The following RLN3 variants were observed in gnomAD, a reference collection of about 807,000 sequenced individuals.
RLN3 encodes the protein relaxin-3.
Under a neutral mutation model 10.2 loss-of-function variants are expected in RLN3, and 13 were observed. The observed-to-expected ratio is 1.28, with a 90% CI of 0.83 to 2.03. The LOEUF is 2.03. Ranked by LOEUF, RLN3 falls within the 30% of genes most tolerant of loss-of-function variation. RLN3 has a pLI of 0.00. For missense variants in RLN3, 191 were observed against 187.2 expected, an observed-to-expected ratio of 1.02 and a Z score of -0.12; for synonymous variants, 56 against 79.2, an observed-to-expected ratio of 0.71 and a Z score of 1.56.
At chr19:14,029,836 TA>T (rs1419307512) in intron 1 of RLN3, among the ~76,000 whole-genome samples, 1 of 149,974 alleles carries the variant, frequency 6.7e-6, no homozygotes, top group Non-Finnish European at 1.5e-5. Flanking sequence ...TTATTATTAT[TA>T]TTATTTTTGA....
chr19:14,031,083 TG>T lies in RLN3; in HGVS notation c.*138del. 1.4e-6 allele frequency: 1 copy of T among 693,556 alleles called. No individual in the cohort carries two copies. The highest frequency in any genetic ancestry group is 2.5e-6 in the Non-Finnish European group (1 of 403,052). 43.0% of individuals were successfully genotyped at this position (693,556 alleles called of 1,614,324 possible). On this transcript the variant is annotated 3_prime_UTR_variant, in exon 2 of 2. Coordinates refer to ENST00000431365, the MANE Select transcript of RLN3 (RefSeq NM_080864.4). Reference sequence around the variant, plus strand: ...TCATCTACAAGTCACAGAGGCACTGTGGGCTCAGGCACAGTCTCCCGACACC... The same window carrying T: ...TCATCTACAAGTCACAGAGGCACTGTGGCTCAGGCACAGTCTCCCGACACC...
At position 14,028,335 on chromosome 19, in the gene RLN3, T is replaced by G. The variant is rs1975747295; in HGVS notation, c.131T>G (p.Ile44Ser). The change falls in exon 1 of 2, where the codon ATC (isoleucine) becomes AGC (serine). Residue 44 changes from isoleucine to serine, a missense_variant. By Grantham distance (142) the Ile-to-Ser change is moderately radical. Coordinates refer to ENST00000431365, the MANE Select transcript of RLN3 (RefSeq NM_080864.4). ...GGCCGAGAATTCATCCGAGCAGTCA[T>G]CTTCACCTGCGGGGGCTCCCGGTGG... Reference protein sequence around the residue: ...LCGREFIRAVIFTCGGSRWRR... With the variant: ...LCGREFIRAVSFTCGGSRWRR... 6.2e-7 allele frequency: 1 copy of G among 1,613,758 alleles called. No homozygotes were observed. Among genetic ancestry groups the G allele is most frequent in the Non-Finnish European group, 8.5e-7 (1 of 1,179,936 alleles).
chr19:14,030,651 A>G (rs199890886), intron 1 of RLN3, 59 bp from the exon 2 acceptor site: 306 of 1,415,602 alleles, frequency 2.2e-4, no homozygotes, highest in African/African-American at 7.0e-4. Context: ...GCCAGGAGCC[A>G]TGACTGTGGG....
intron 1 of RLN3, 42 bp from the exon 2 acceptor site, chr19:14,030,668 A>G (rs4263049): frequency 0.28 from 418,583 of 1,520,800 alleles, 68,940 homozygotes; most frequent in African/African-American, 0.74. Flanking sequence ...TGGGTGCAGC[A>G]GCAGCTGAGC....
Position 14,028,167 on chromosome 19 carries a change from A to C in RLN3, c.-38A>C, listed in dbSNP as rs960965997. The stretch of plus-strand genomic sequence containing the variant: ...TGGGGGGCCAAGAGGCAGCAGAGAC[A>C]CTGGCCCACTCTCACGTTCAAAGCA... On this transcript the variant is annotated 5_prime_UTR_variant, in exon 1 of 2. Coordinates refer to ENST00000431365, the MANE Select transcript of RLN3 (RefSeq NM_080864.4). 16 of 1,481,586 alleles carry C rather than the reference A, an allele frequency of 1.1e-5. No homozygotes were observed. The Middle Eastern group carries it at 6.3e-4, about 58-fold the overall frequency. The allele number at this position is 1,481,586 out of a possible 1,614,324, so 91.8% of individuals were successfully genotyped here.
At chr19:14,028,966 CAG>C (rs1256252347) in intron 1 of RLN3, among the ~76,000 whole-genome samples, 4 of 151,938 alleles carry the variant, frequency 2.6e-5, no homozygotes, top group South Asian at 4.2e-4. Flanking sequence ...TTTGTAGAAA[CAG>C]GGGTCTCACT....
rs764459926 is a variant in RLN3 at position 14,030,706 on chromosome 19, G to T, written c.191-4G>T. ...TGATCACTAACTCTGTTCATCTTTT[G>T]CAGGAGATACCTTCCCGGATGCAGA... On this transcript the variant is annotated splice_polypyrimidine_tract_variant and splice_region_variant and intron_variant, in intron 1 of 1. Coordinates refer to ENST00000431365, the MANE Select transcript of RLN3 (RefSeq NM_080864.4). 2.5e-6 allele frequency: 4 copies of T among 1,613,322 alleles called. No homozygotes were observed. The South Asian group carries it at 4.4e-5, about 18-fold the overall frequency.
In RLN3 at chr19:14,030,862, C is replaced by CGG; in HGVS notation, c.346_347dup (p.Ser117AlafsTer49). 1.2e-6 allele frequency: 2 copies of CGG among 1,611,690 alleles called. No homozygotes were observed. Among genetic ancestry groups the CGG allele is most frequent in the Non-Finnish European group, 1.7e-6 (2 of 1,178,232 alleles). ...CTGGCAAGGAACCCCTGGGGTTCTT[C>CGG]GGGGCAGCCGAGATGTCCTGGCTGG... is the stretch of plus-strand genomic sequence containing the variant. On this transcript the variant is annotated frameshift_variant, in exon 2 of 2. Coordinates refer to ENST00000431365, the MANE Select transcript of RLN3 (RefSeq NM_080864.4). LOFTEE classifies it high-confidence loss of function.
intron 1 of RLN3, chr19:14,030,493 T>C (rs1192196289): frequency 2.9e-5 from 19 of 649,320 alleles, no homozygotes; most frequent in Non-Finnish European, 2.8e-6. Context: ...ACCCCATCTC[T>C]ATAACAATAC....
At position 14,028,170 on chromosome 19, in the gene RLN3, G is replaced by A. The variant is rs1568495594; in HGVS notation, c.-35G>A. ...GGGGCCAAGAGGCAGCAGAGACACT[G>A]GCCCACTCTCACGTTCAAAGCATCT... On this transcript the variant is annotated 5_prime_UTR_variant, in exon 1 of 2. Coordinates refer to ENST00000431365, the MANE Select transcript of RLN3 (RefSeq NM_080864.4). 2.0e-6 allele frequency: 3 copies of A among 1,501,412 alleles called. No homozygotes were observed. In the African/African-American group the frequency reaches 4.2e-5, roughly 21 times the overall value. The allele number at this position is 1,501,412 out of a possible 1,614,324, so 93.0% of individuals were successfully genotyped here.
chr19:14,030,601 C>A, intron 1 of RLN3, 109 bp from the exon 2 acceptor site: 1 of 994,686 alleles, frequency 1.0e-6, no homozygotes, highest in Non-Finnish European at 1.6e-6. Context: ...AAACTCTGAA[C>A]TATGTCTATG....
chr19:14,030,939 C>G lies in RLN3; in HGVS notation c.420C>G (p.Ser140Arg). The G allele has an allele frequency of 6.4e-7, 1 of 1,561,956 alleles. No homozygotes were observed. The highest frequency in any genetic ancestry group is 8.7e-7 in the Non-Finnish European group (1 of 1,151,878). Residue 140 changes from serine to arginine, a missense_variant, in exon 2 of 2, where the codon AGC becomes AGG. By Grantham distance (110) the Ser-to-Arg change is moderately radical (BLOSUM62 -1). Transcript: ENST00000431365. ...KWGCSKSEIS[S>R]LC ...GGTGTAGCAAAAGTGAAATCAGTAG[C>G]CTTTGCTAGTTTGAGGGCTGGGCAG... is the stretch of plus-strand genomic sequence containing the variant.
chr19:14,029,640 C>G (rs944037443), intron 1 of RLN3, among the ~76,000 whole-genome samples: 1 of 151,828 alleles, frequency 6.6e-6, no homozygotes, highest in Non-Finnish European at 1.5e-5. Context: ...CATGAGCCAC[C>G]GCGCCCAGCC....
intron 1 of RLN3, among the ~76,000 whole-genome samples, chr19:14,029,713 C>T (rs1281471051): frequency 6.6e-6 from 1 of 151,952 alleles, no homozygotes; most frequent in Non-Finnish European, 1.5e-5. Context: ...GTGATAACTG[C>T]ACCCACCTCA....
At chr19:14,029,833 T>TATG (rs1179770319) in intron 1 of RLN3, among the ~76,000 whole-genome samples, 37 of 149,738 alleles carry the variant, frequency 2.5e-4, no homozygotes, top group Non-Finnish European at 5.3e-4. Context: ...TTATTATTAT[T>TATG]ATTATTATTT....
intron 1 of RLN3, among the ~76,000 whole-genome samples, chr19:14,029,656 A>C (rs548604012): frequency 1.3e-5 from 2 of 151,704 alleles, no homozygotes; most frequent in African/African-American, 4.8e-5. Context: ...CAGCCATGCA[A>C]ATTCTTTACT....
chr19:14,028,382 C>T lies in RLN3; in HGVS notation c.178C>T (p.His60Tyr), dbSNP rs769435107. The T allele has an allele frequency of 1.3e-5, 21 of 1,610,886 alleles. 1 individual carries two copies. The highest frequency in any genetic ancestry group is 8.9e-5 in the East Asian group (4 of 44,830). ...SRWRRSDILA[H>Y]EAMGDTFPDA... ...GTGGAGACGATCAGACATCCTGGCCCACGAGGCTATGGGTGAGGCTGGGGA... is the reference window on the plus strand; with the variant it reads ...GTGGAGACGATCAGACATCCTGGCCTACGAGGCTATGGGTGAGGCTGGGGA... Residue 60 changes from histidine to tyrosine, a missense_variant, in exon 1 of 2, where the codon CAC becomes TAC. By Grantham distance (83) the His-to-Tyr change is moderately conservative (BLOSUM62 2). Coordinates refer to ENST00000431365, the MANE Select transcript of RLN3 (RefSeq NM_080864.4).
intron 1 of RLN3, among the ~76,000 whole-genome samples, chr19:14,029,247 T>C (rs912573960): frequency 6.6e-6 from 1 of 151,980 alleles, no homozygotes; most frequent in African/African-American, 2.4e-5. Context: ...CAAATAGATA[T>C]TCATGATGGT....
At position 14,028,208 on chromosome 19, in the gene RLN3, G is replaced by T. The variant is rs1975743911; in HGVS notation, c.4G>T (p.Ala2Ser). The T allele has an allele frequency of 1.3e-6, 2 of 1,587,246 alleles. No homozygotes were observed. Among genetic ancestry groups the T allele is most frequent in the African/African-American group, 1.4e-5 (1 of 73,996 alleles). ...GTTCAAAGCATCTCCGTCCAGCATG[G>T]CCAGGTACATGCTGCTGCTGCTCCT... M[A>S]RYMLLLLLAV... The change falls in exon 1 of 2, where the codon GCC becomes TCC. Residue 2 changes from alanine to serine, a missense_variant. Transcript: ENST00000431365.
Sources: gnomAD v4.1 joint callset for allele counts (sites outside exome capture counted in the v4.1 genomes callset) on GRCh38, gnomAD v4.1.1 for gene constraint, MANE v1.5 for transcripts, NCBI Gene and HGNC (gene_info 2026-07-23, HGNC 2026-07-21) for gene names.